RIMS3: variants seen among roughly 807,000 people sequenced by gnomAD.
RIMS3 encodes the protein regulating synaptic membrane exocytosis 3, also known as regulating synaptic membrane exocytosis protein 3.
Under a neutral mutation model 29.2 loss-of-function variants are expected in RIMS3, and 15 were observed. That is an observed-to-expected ratio of 0.51 (90% CI 0.34 to 0.79). The LOEUF is 0.79. Ranked by LOEUF, RIMS3 falls within the 30% of genes least tolerant of loss-of-function variation. The probability of loss-of-function intolerance (pLI) is 0.01; values close to 1 mark genes in which losing one functional copy is unlikely to be tolerated. For missense variants in RIMS3, 342 were observed against 421.4 expected, an observed-to-expected ratio of 0.81 and a Z score of 1.65; for synonymous variants, 161 against 170.1, an observed-to-expected ratio of 0.95 and a Z score of 0.41.
In RIMS3 at chr1:40,628,869, C is replaced by G; in HGVS notation, c.655G>C (p.Asp219His). The change falls in exon 7 of 8, where the codon GAT becomes CAT. Residue 219 changes from aspartate (D) to histidine (H), a missense_variant. Transcript: ENST00000372684. ...KKTKMTKKTC[D>H]PLYQQALLFD... ...AGCAGAGCCTGCTGGTACAGGGGAT[C>G]ACAGGTCTTCTTGGTCATCTTTGTC... 1 of 1,614,110 alleles carries G rather than the reference C, an allele frequency of 6.2e-7. No individual in the cohort carries two copies. Among genetic ancestry groups the G allele is most frequent in the Non-Finnish European group, 8.5e-7 (1 of 1,180,034 alleles).
At chr1:40,691,554 CG>C in the RIMS3 span, 2 of 301,866 alleles carry the variant, frequency 6.6e-6, no homozygotes, top group Non-Finnish European at 1.3e-5. Context: ...CGAAAGGGGG[CG>C]GGGTTAAAAC....
At chr1:40,678,779 T>C in the RIMS3 span, among the ~76,000 whole-genome samples, 1 of 152,210 alleles carries the variant, frequency 6.6e-6, no homozygotes, top group African/African-American at 2.4e-5. Context: ...ACAACAACTG[T>C]AGATGCACAG....
At chr1:40,640,139 C>A (rs1303913257) in intron 3 of RIMS3, among the ~76,000 whole-genome samples, 2 of 152,098 alleles carry the variant, frequency 1.3e-5, no homozygotes, top group Non-Finnish European at 2.9e-5. Context: ...TGGGCTTGGT[C>A]CCCTGGAGCC....
the RIMS3 span, among the ~76,000 whole-genome samples, chr1:40,679,880 G>C: frequency 1.3e-5 from 2 of 151,884 alleles, no homozygotes; most frequent in African/African-American, 4.8e-5. Context: ...GAGTAGCCTG[G>C]ATGACTAGAA....
At chr1:40,666,142 GC>G (rs1290786100), upstream of RIMS3, among the ~76,000 whole-genome samples, 1 of 152,194 alleles carries the variant, frequency 6.6e-6, no homozygotes, top group Non-Finnish European at 1.5e-5. Context: ...TTGCCCAAGT[GC>G]CTGGTATGAA....
chr1:40,660,091 G>A (rs1642329674), intron 1 of RIMS3, among the ~76,000 whole-genome samples: 4 of 152,190 alleles, frequency 2.6e-5, no homozygotes, highest in African/African-American at 7.2e-5. Context: ...GGTGGGCAGC[G>A]AGAGGGTCCA....
the RIMS3 span, among the ~76,000 whole-genome samples, chr1:40,675,018 C>T: frequency 2.6e-5 from 4 of 152,150 alleles, no homozygotes; most frequent in African/African-American, 7.2e-5. Flanking sequence ...CCCAGAACTT[C>T]GAGAGGTCAA....
At chr1:40,652,060 G>A (rs1646634864) in intron 1 of RIMS3, among the ~76,000 whole-genome samples, 1 of 152,118 alleles carries the variant, frequency 6.6e-6, no homozygotes, top group East Asian at 1.9e-4. Context: ...TAGATTATGG[G>A]TGGGAAAGGG....
chr1:40,659,052 C>A (rs766023730), intron 1 of RIMS3, among the ~76,000 whole-genome samples: 2 of 152,100 alleles, frequency 1.3e-5, no homozygotes, highest in Non-Finnish European at 2.9e-5. Context: ...ACAGATGTGG[C>A]AGAGGGAGGG....
chr1:40,643,457 T>C (rs1039198769), intron 2 of RIMS3, among the ~76,000 whole-genome samples: 9 of 149,102 alleles, frequency 6.0e-5, no homozygotes, highest in African/African-American at 2.2e-4. Flanking sequence ...TAAATAAGCA[T>C]GGCAATAAAC....
In RIMS3 at chr1:40,620,935, C is replaced by T. The variant is rs1646417179; in HGVS notation, c.*5582G>A. 4 of 152,662 alleles carry T rather than the reference C, an allele frequency of 2.6e-5. No individual in the cohort carries two copies. The highest frequency in any genetic ancestry group is 2.6e-4 in the Admixed American group (4 of 15,284). The allele number at this position is 152,662 out of a possible 1,614,324, so 9.5% of individuals were successfully genotyped here. A position where few individuals can be genotyped will look rare whatever the true frequency, so the allele number is the denominator to read the frequency against. ...CAGTGTGCTTGTCAGTCCCTATCAGCTATCTCTCTCTTTGCAGGATGCATT... is the reference window on the plus strand; with the variant it reads ...CAGTGTGCTTGTCAGTCCCTATCAGTTATCTCTCTCTTTGCAGGATGCATT... On this transcript the variant is annotated 3_prime_UTR_variant, in exon 8 of 8. Coordinates refer to ENST00000372684, the MANE Select transcript of RIMS3 (RefSeq NM_014747.3).
intron 1 of RIMS3, among the ~76,000 whole-genome samples, chr1:40,660,552 A>AT (rs1042071955): frequency 1.5e-4 from 22 of 150,972 alleles, no homozygotes; most frequent in East Asian, 7.8e-4. Context: ...TAATTTTTGT[A>AT]TTTTTTTTGT....
Position 40,623,565 on chromosome 1 carries a change from A to T in RIMS3, c.*2952T>A. 1 of 398,708 alleles carries T rather than the reference A, an allele frequency of 2.5e-6. No homozygotes were observed. Among genetic ancestry groups the T allele is most frequent in the Non-Finnish European group, 4.4e-6 (1 of 226,146 alleles). 24.7% of individuals were successfully genotyped at this position (398,708 alleles called of 1,614,324 possible). ...ATTCCTGTAACCACTGCAGGGTTTC[A>T]TCTGGGCAAGGGGGCATTTGGAGCC... On this transcript the variant is annotated 3_prime_UTR_variant, in exon 8 of 8. Transcript: ENST00000372684.
chr1:40,652,994 G>A (rs1173914765), intron 1 of RIMS3, among the ~76,000 whole-genome samples: 3 of 152,134 alleles, frequency 2.0e-5, no homozygotes, highest in African/African-American at 7.2e-5. Flanking sequence ...TGAAATCCAA[G>A]GTGATTTACA....
intron 5 of RIMS3, among the ~76,000 whole-genome samples, chr1:40,632,409 CATATAAATTTAT>C (rs1356222543): frequency 1.8e-5 from 2 of 108,566 alleles, no homozygotes; most frequent in African/African-American, 6.7e-5. Context: ...TGAAAAAATA[CATATAAATTTAT>C]ATATATATAT....
the RIMS3 span, among the ~76,000 whole-genome samples, chr1:40,676,366 G>A: frequency 1.3e-5 from 2 of 152,206 alleles, no homozygotes; most frequent in Non-Finnish European, 2.9e-5. Flanking sequence ...GTTACAGAGT[G>A]CCCCTGACAT....
chr1:40,679,343 T>C, the RIMS3 span, among the ~76,000 whole-genome samples: 1 of 152,092 alleles, frequency 6.6e-6, no homozygotes, highest in Non-Finnish European at 1.5e-5. Flanking sequence ...ATTGACCAAA[T>C]ATGACAGGAA....
chr1:40,686,882 C>G, the RIMS3 span, among the ~76,000 whole-genome samples: 1 of 152,100 alleles, frequency 6.6e-6, no homozygotes, highest in African/African-American at 2.4e-5. Flanking sequence ...TCTACTCCAT[C>G]TTACTCTCTT....
At chr1:40,671,089 G>A in the RIMS3 span, among the ~76,000 whole-genome samples, 3 of 152,120 alleles carry the variant, frequency 2.0e-5, no homozygotes, top group Non-Finnish European at 4.4e-5. Flanking sequence ...GGAGGCAGAG[G>A]GAAATTGGAG....
Sources: gnomAD v4.1 joint callset for allele counts (sites outside exome capture counted in the v4.1 genomes callset) on GRCh38, gnomAD v4.1.1 for gene constraint, MANE v1.5 for transcripts, NCBI Gene and HGNC (gene_info 2026-07-23, HGNC 2026-07-21) for gene names.